The following ARAP1 variants were observed in gnomAD, a reference collection of about 807,000 sequenced individuals.
ARAP1 encodes arf-GAP with Rho-GAP domain, ANK repeat and PH domain-containing protein 1.
In ARAP1, 76 loss-of-function variants were observed where a neutral mutation model predicts 172.2. That is an observed-to-expected ratio of 0.44 (90% CI 0.37 to 0.53). ARAP1 has a LOEUF of 0.53. Among genes scored for constraint, ARAP1 ranks in the 20% least tolerant of loss-of-function variants. ARAP1 has a pLI of 0.00. For synonymous variants in ARAP1, 804 were observed against 803.3 expected (o/e 1.00, Z -0.01); for missense variants, 1,686 against 1,977.5 (o/e 0.85, Z 2.80).
intron 1 of ARAP1, among the ~76,000 whole-genome samples, chr11:72,751,173 C>T (rs750302698): frequency 1.3e-5 from 2 of 152,084 alleles, no homozygotes; most frequent in Admixed American, 1.3e-4. Context: ...TGCAAGTAGC[C>T]AATGGGGAGG....
Position 72,692,773 on chromosome 11 carries a change from A to G in ARAP1, c.3967T>C (p.Trp1323Arg). 6.2e-7 allele frequency: 1 copy of G among 1,613,752 alleles called. No homozygotes were observed. ...LYKEVRSQRP[W>R]SGAPETSHRP... ...CTCACGGTCTCAGGGGCCCCGCTCC[A>G]CGGCCTCTGGCTCTGTTTGATAGAG... Residue 1323 changes from tryptophan to arginine, a missense_variant, in exon 30 of 35, where the codon TGG (tryptophan) becomes CGG (arginine). Physicochemically the swap from Trp to Arg is moderately radical, Grantham distance 101 (BLOSUM62 -3). This residue lies in a region of ARAP1 where 379 missense variants were observed against 500.1 expected (regional missense o/e 0.76). Coordinates refer to ENST00000393609, the MANE Select transcript of ARAP1 (RefSeq NM_001040118.3).
At chr11:72,701,856 G>C in intron 15 of ARAP1, 73 bp from the exon 16 acceptor site, 2 of 1,557,428 alleles carry the variant, frequency 1.3e-6, no homozygotes, top group African/African-American at 1.4e-5. Flanking sequence ...CTCCCACCTG[G>C]CCTGGGCATT....
rs1366265551 is a variant in ARAP1 at position 72,731,328 on chromosome 11, T to C, written c.-45+1187A>G. Among the ~76,000 whole-genome samples the C allele has an allele frequency of 3.9e-5, 6 of 152,074 alleles. 1 individual carries two copies. The highest frequency in any genetic ancestry group is 7.4e-5 in the Non-Finnish European group (5 of 68,012). ...TGGACCTAGTGGGAGGTGTCTGGGG[T>C]CACGGGGACAGATCCCTCATGAATA... is the stretch of plus-strand genomic sequence containing the variant. On this transcript the variant is annotated intron_variant, in intron 2 of 34. Transcript: ENST00000393609.
chr11:72,702,515 C>A (rs973597678), intron 15 of ARAP1, among the ~76,000 whole-genome samples: 1 of 152,194 alleles, frequency 6.6e-6, no homozygotes, highest in African/African-American at 2.4e-5. Flanking sequence ...AGGTGGGTGA[C>A]CCACCCATGG....
intron 11 of ARAP1, among the ~76,000 whole-genome samples, 197 bp from the exon 12 acceptor site, chr11:72,707,571 G>T (rs1238946625): frequency 6.6e-6 from 1 of 152,220 alleles, no homozygotes; most frequent in Non-Finnish European, 1.5e-5. Flanking sequence ...ATGGGGGCAG[G>T]GGAGCCCAGT....
intron 14 of ARAP1, chr11:72,703,415 G>GGGGGGGGGGGGGGGGGC (rs71469439): frequency 6.9e-6 from 1 of 145,212 alleles, no homozygotes; most frequent in Admixed American, 7.4e-5. Flanking sequence ...AGCCGGGGGG[G>GGGGGGGGGGGGGGGGGC]GGGTGTGCTT....
intron 12 of ARAP1, among the ~76,000 whole-genome samples, chr11:72,706,393 A>T (rs992969282): frequency 6.6e-6 from 1 of 151,576 alleles, no homozygotes; most frequent in African/African-American, 2.4e-5. Flanking sequence ...ACTTCCCTAG[A>T]CTTGCTCCTC....
At chr11:72,713,769 C>T (rs999757175) in intron 4 of ARAP1, among the ~76,000 whole-genome samples, 1 of 151,534 alleles carries the variant, frequency 6.6e-6, no homozygotes, top group Non-Finnish European at 1.5e-5. Flanking sequence ...AGGGCGTGAA[C>T]CCAGGAGGCA....
rs1178352620 is a variant in ARAP1, at chr11:72,725,302, C to T, written c.509+1318G>A. ...TCCTCTTCTCTCTTCTAACCTCTCT[C>T]TCTCTCTCTCTCTCTCTTTTTCTCT... On this transcript the variant is annotated intron_variant, in intron 3 of 34. Coordinates refer to ENST00000393609, the MANE Select transcript of ARAP1 (RefSeq NM_001040118.3). This position sits in a 1 kb window ranked among gnomAD's most constrained non-coding sequence, Gnocchi z 4.3. Among the ~76,000 whole-genome samples, 1 of 150,286 alleles carries T rather than the reference C, an allele frequency of 6.7e-6. No homozygotes were observed. The highest frequency in any genetic ancestry group is 1.5e-5 in the Non-Finnish European group (1 of 66,774).
intron 27 of ARAP1, among the ~76,000 whole-genome samples, chr11:72,694,212 G>A (rs369328328): frequency 4.0e-5 from 6 of 151,688 alleles, no homozygotes; most frequent in East Asian, 3.9e-4. Flanking sequence ...CCACATTACC[G>A]CCTTCTCCTT....
At chr11:72,691,892 C>T (rs554038227) in intron 30 of ARAP1, among the ~76,000 whole-genome samples, 1 of 152,284 alleles carries the variant, frequency 6.6e-6, no homozygotes, top group East Asian at 1.9e-4. Context: ...CTCAGATGTT[C>T]AGACATCAGA....
chr11:72,694,894 T>C, intron 27 of ARAP1, 86 bp downstream of exon 27: 3 of 1,147,516 alleles, frequency 2.6e-6, no homozygotes, highest in East Asian at 2.4e-5. Flanking sequence ...CCCATCCTCA[T>C]GTGCAGGGTA....
Position 72,693,198 on chromosome 11 carries a change from C to T in ARAP1, c.3954+127G>A. 2 of 1,381,372 alleles carry T rather than the reference C, an allele frequency of 1.4e-6. No individual in the cohort carries two copies. The highest frequency in any genetic ancestry group is 2.4e-5 in the East Asian group (1 of 41,548). The allele number at this position is 1,381,372 out of a possible 1,614,324, so 85.6% of individuals were successfully genotyped here. On this transcript the variant is annotated intron_variant, in intron 29 of 34. Coordinates refer to ENST00000393609, the MANE Select transcript of ARAP1 (RefSeq NM_001040118.3). This position sits in a 1 kb window ranked among gnomAD's most constrained non-coding sequence, Gnocchi z 4.6. ...GGGGTCTTGAGAGTCTACAGTTCTC[C>T]CCCACTGCTGTGCCATCCTGAGAGC...
rs778316825 is a variant in ARAP1 at position 72,697,199 on chromosome 11, G to C, written c.2954-4C>G. ...TAGATGCCCTCGGAGGTCAGGCCTAGGGAGGGGCGGGGCCAAGCGTTCGGG... is the reference window on the plus strand; with the variant it reads ...TAGATGCCCTCGGAGGTCAGGCCTACGGAGGGGCGGGGCCAAGCGTTCGGG... On this transcript the variant is annotated splice_polypyrimidine_tract_variant and splice_region_variant and intron_variant, in intron 21 of 34. Transcript: ENST00000393609. 1 of 1,596,128 alleles carries C rather than the reference G, an allele frequency of 6.3e-7. No homozygotes were observed. The highest frequency in any genetic ancestry group is 1.3e-5 in the African/African-American group (1 of 75,008).
Position 72,687,067 on chromosome 11 carries a change from C to T in ARAP1, c.4185+372G>A, listed in dbSNP as rs1855722081. On this transcript the variant is annotated intron_variant, in intron 33 of 34. Transcript: ENST00000393609. ...ACCGTTCCCTCTGCCTAGAAGTCAT[C>T]CCCCTCCTCTATGCTTGGTGAATTC... Among the ~76,000 whole-genome samples, 2 of 152,198 alleles carry T rather than the reference C, an allele frequency of 1.3e-5. 1 individual carries two copies. Among genetic ancestry groups the T allele is most frequent in the South Asian group, 4.1e-4 (2 of 4,834 alleles).
At chr11:72,712,141 A>C in intron 7 of ARAP1, 55 bp downstream of exon 7, 1 of 1,502,842 alleles carries the variant, frequency 6.7e-7, no homozygotes, top group Non-Finnish European at 8.8e-7. Flanking sequence ...GGTCCTGGAC[A>C]CTGCCCCCCA....
chr11:72,696,508 A>G, intron 23 of ARAP1, 41 bp downstream of exon 23: 1 of 1,443,932 alleles, frequency 6.9e-7, no homozygotes, highest in Non-Finnish European at 9.2e-7. Flanking sequence ...AAGAACCTTC[A>G]TCCCATCCCC....
At chr11:72,703,412 G>GGC (rs1555013452) in intron 14 of ARAP1, 2 of 175,364 alleles carry the variant, frequency 1.1e-5, no homozygotes, top group East Asian at 1.4e-4. Context: ...AGGAGCCGGG[G>GGC]GGGGGGTGTG....
At position 72,710,274 on chromosome 11, in the gene ARAP1, G is replaced by T; in HGVS notation, c.1416+111C>A. On this transcript the variant is annotated intron_variant, in intron 10 of 34. Coordinates refer to ENST00000393609, the MANE Select transcript of ARAP1 (RefSeq NM_001040118.3). This position sits in a 1 kb window ranked among gnomAD's most constrained non-coding sequence, Gnocchi z 4.3. ...GAGGACATATCCAGGCAAAGGGCTG[G>T]GCCCAGTGCAGGAAAAGAGGGAACA... The T allele has an allele frequency of 7.5e-7, 1 of 1,334,652 alleles. No homozygotes were observed. The highest frequency in any genetic ancestry group is 1.1e-6 in the Non-Finnish European group (1 of 945,968). The allele number at this position is 1,334,652 out of a possible 1,614,324, so 82.7% of individuals were successfully genotyped here. A position where few individuals can be genotyped will look rare whatever the true frequency, so the allele number is the denominator to read the frequency against.
Sources: gnomAD v4.1 joint callset for allele counts (sites outside exome capture counted in the v4.1 genomes callset) on GRCh38, gnomAD v4.1.1 for gene constraint, gnomAD v4.1.1 regional missense constraint, Gnocchi (gnomAD v3.1) non-coding constraint, MANE v1.5 for transcripts, NCBI Gene and HGNC (gene_info 2026-07-23, HGNC 2026-07-21) for gene names.